PTPRM: variants seen among roughly 807,000 people sequenced by gnomAD.
The protein encoded by PTPRM is protein tyrosine phosphatase receptor type M, also known as receptor-type tyrosine-protein phosphatase mu.
A neutral mutation model predicts 186.7 loss-of-function variants in PTPRM; 47 were observed. The observed-to-expected ratio is 0.25, with a 90% CI of 0.20 to 0.32. The LOEUF is 0.32. Ranked by LOEUF, PTPRM falls within the 10% of genes least tolerant of loss-of-function variation. The pLI, the probability that PTPRM is intolerant of heterozygous loss-of-function variation, is 1.00. For missense variants in PTPRM, 1,494 were observed against 1,865.0 expected (o/e 0.80, Z 3.66); for synonymous variants, 668 against 674.9 (o/e 0.99, Z 0.16).
intron 1 of PTPRM, among the ~76,000 whole-genome samples, chr18:7,711,232 G>T (rs543464366): frequency 6.6e-6 from 1 of 152,210 alleles, no homozygotes; most frequent in Admixed American, 6.5e-5. Flanking sequence ...TCAAGGGGTC[G>T]GGGAACTCCC....
intron 1 of PTPRM, among the ~76,000 whole-genome samples, chr18:7,598,708 C>G (rs2037325829): frequency 6.7e-6 from 1 of 149,988 alleles, no homozygotes; most frequent in Non-Finnish European, 1.5e-5. Flanking sequence ...TTTTTTTCTG[C>G]TAAACATTGC....
chr18:8,154,639 T>G (rs1166771788), intron 14 of PTPRM: 3 of 152,206 alleles, frequency 2.0e-5, no homozygotes, highest in Non-Finnish European at 4.4e-5. Flanking sequence ...TTCTGAAGAA[T>G]TGGCCCTCTA....
chr18:8,144,223 A>C (rs1471163873), intron 14 of PTPRM, among the ~76,000 whole-genome samples: 1 of 152,214 alleles, frequency 6.6e-6, no homozygotes, highest in African/African-American at 2.4e-5. Flanking sequence ...GTGCTAGGGA[A>C]GGTCATCAGC....
intron 14 of PTPRM, among the ~76,000 whole-genome samples, chr18:8,229,929 T>C (rs1017574327): frequency 9.9e-5 from 15 of 152,222 alleles, no homozygotes; most frequent in African/African-American, 3.6e-4. Context: ...GCAAGTTCAT[T>C]TGCAGACACC....
chr18:8,120,816 A>G (rs1235010541), intron 13 of PTPRM, among the ~76,000 whole-genome samples: 1 of 152,172 alleles, frequency 6.6e-6, no homozygotes, highest in African/African-American at 2.4e-5. Context: ...TCTATAAAAC[A>G]ATTTCATTTT....
intron 1 of PTPRM, among the ~76,000 whole-genome samples, chr18:7,695,435 A>G (rs2039823228): frequency 6.6e-6 from 1 of 152,206 alleles, no homozygotes; most frequent in Non-Finnish European, 1.5e-5. Flanking sequence ...CTTATTGCTT[A>G]CATGGGTTTG....
chr18:7,798,677 G>GGGCCTT (rs2043797962), intron 2 of PTPRM, among the ~76,000 whole-genome samples: 1 of 152,038 alleles, frequency 6.6e-6, no homozygotes, highest in East Asian at 1.9e-4. Flanking sequence ...TTTTGTGCAT[G>GGGCCTT]ATGTGAAATA....
chr18:8,280,545 G>A lies in PTPRM; in HGVS notation c.2755-15823G>A, dbSNP rs149299933. Among the ~76,000 whole-genome samples, 873 of 152,250 alleles carry A rather than the reference G, an allele frequency of 5.7e-3. 7 individuals carry two copies. Among genetic ancestry groups the A allele is most frequent in the African/African-American group, 0.02 (812 of 41,558 alleles). On this transcript the variant is annotated intron_variant, in intron 19 of 32. Transcript: ENST00000580170. ...CATCAGCCTCATTGGTGGGTCCCCT[G>A]TGAATCACCACCTGAGCTGCCCAAA... is the stretch of plus-strand genomic sequence containing the variant.
intron 23 of PTPRM, among the ~76,000 whole-genome samples, chr18:8,357,515 C>T (rs1176812635): frequency 6.6e-6 from 1 of 152,192 alleles, no homozygotes; most frequent in African/African-American, 2.4e-5. Context: ...GCAGCGGGTT[C>T]CTGCCTGCAG....
rs557766971 is a variant in PTPRM, at chr18:8,372,056, C to CTTTTTTTTTTTTTTTTTTTTTTT, written c.3171+1054_3171+1076dup. Among the ~76,000 whole-genome samples the CTTTTTTTTTTTTTTTTTTTTTTT allele has an allele frequency of 1.5e-4, 9 of 59,066 alleles. 2 individuals are homozygous for CTTTTTTTTTTTTTTTTTTTTTTT. The highest frequency in any genetic ancestry group is 3.0e-4 in the Non-Finnish European group (8 of 26,310). The allele number at this position is 59,066 out of a possible 152,430, so 38.7% of individuals were successfully genotyped here. On this transcript the variant is annotated intron_variant, in intron 24 of 32. Transcript: ENST00000580170. Reference sequence around the variant, plus strand: ...TTGGCCTTCCTCTCCACTCTATATTCTTTTTTTTTTTTTTTTTTTTTTTTT... The same window carrying CTTTTTTTTTTTTTTTTTTTTTTT: ...TTGGCCTTCCTCTCCACTCTATATTCTTTTTTTTTTTTTTTTTTTTTTTTTTTTTTTTTTTTTTTTTTTTTTTT...
chr18:8,257,127 AG>A (rs1726069324), intron 19 of PTPRM, among the ~76,000 whole-genome samples: 1 of 152,254 alleles, frequency 6.6e-6, no homozygotes, highest in South Asian at 2.1e-4. Context: ...TCTGAAGGCC[AG>A]TGGGGTCACC....
intron 7 of PTPRM, among the ~76,000 whole-genome samples, chr18:7,968,296 C>T (rs1463880359): frequency 7.2e-5 from 10 of 138,966 alleles, no homozygotes; most frequent in South Asian, 4.7e-4. Context: ...TAAAAGAGCT[C>T]CTGAAGGAAG....
intron 2 of PTPRM, among the ~76,000 whole-genome samples, chr18:7,792,584 T>G (rs1194400303): frequency 6.6e-6 from 1 of 152,238 alleles, no homozygotes; most frequent in African/African-American, 2.4e-5. Flanking sequence ...CATAATACAT[T>G]TTTTAAAAGG....
intron 5 of PTPRM, among the ~76,000 whole-genome samples, chr18:7,941,314 C>T: frequency 6.6e-6 from 1 of 152,140 alleles, no homozygotes; most frequent in East Asian, 1.9e-4. Context: ...GGGACAGGGA[C>T]AAGAGGGACC....
chr18:7,856,329 T>C (rs1322718521), intron 2 of PTPRM, among the ~76,000 whole-genome samples: 9 of 152,230 alleles, frequency 5.9e-5, no homozygotes, highest in African/African-American at 2.2e-4. Flanking sequence ...AATGCAACTA[T>C]GATAGCAGTT....
intron 1 of PTPRM, among the ~76,000 whole-genome samples, chr18:7,721,269 T>A: frequency 6.6e-6 from 1 of 152,022 alleles, no homozygotes; most frequent in East Asian, 1.9e-4. Context: ...CATTTGTATA[T>A]CTTCTTTGGA....
At chr18:8,138,355 C>T (rs2092686448) in intron 13 of PTPRM, among the ~76,000 whole-genome samples, 1 of 152,002 alleles carries the variant, frequency 6.6e-6, no homozygotes, top group Non-Finnish European at 1.5e-5. Context: ...TCTCACTGGC[C>T]CACCTTCCCC....
intron 7 of PTPRM, among the ~76,000 whole-genome samples, chr18:8,050,009 C>A (rs2087363336): frequency 6.6e-6 from 1 of 152,074 alleles, no homozygotes; most frequent in Admixed American, 6.6e-5. Flanking sequence ...CCACGCCCAG[C>A]CAAGTCTGTG....
At chr18:7,678,248 G>C (rs2039394677) in intron 1 of PTPRM, among the ~76,000 whole-genome samples, 1 of 152,146 alleles carries the variant, frequency 6.6e-6, no homozygotes, top group South Asian at 2.1e-4. Flanking sequence ...TTCACGCTCA[G>C]GGGTAGGGTG....
Sources: gnomAD v4.1 joint callset for allele counts (sites outside exome capture counted in the v4.1 genomes callset) on GRCh38, gnomAD v4.1.1 for gene constraint, MANE v1.5 for transcripts, NCBI Gene and HGNC (gene_info 2026-07-23, HGNC 2026-07-21) for gene names.